Variants in GLIS3 observed in about 807,000 individuals in gnomAD.
The protein encoded by GLIS3 is GLIS family zinc finger 3, also known as zinc finger protein GLIS3.
GLIS3 carries 53 observed loss-of-function variants against 78.6 expected under a neutral mutation model. The ratio of observed to expected loss-of-function variants is 0.67; its 90% CI spans 0.54 to 0.85. The LOEUF is 0.85. GLIS3 is among the 40% of genes least tolerant of loss of function. The probability of loss-of-function intolerance (pLI) is 0.00; values close to 1 mark genes in which losing one functional copy is unlikely to be tolerated. For synonymous variants in GLIS3, 684 were observed against 509.9 expected, an observed-to-expected ratio of 1.34 and a Z score of -4.60; for missense variants, 1,703 against 1,231.1, an observed-to-expected ratio of 1.38 and a Z score of -5.74.
At chr9:4,048,179 T>C (rs1174821484) in intron 4 of GLIS3, among the ~76,000 whole-genome samples, 2 of 152,202 alleles carry the variant, frequency 1.3e-5, no homozygotes, top group Non-Finnish European at 2.9e-5. Flanking sequence ...AATGACCTTT[T>C]AGAAAATTTT....
At chr9:4,117,587 A>G (rs1831757977) in intron 4 of GLIS3, among the ~76,000 whole-genome samples, 181 bp downstream of exon 4, 2 of 152,154 alleles carry the variant, frequency 1.3e-5, no homozygotes, top group African/African-American at 4.8e-5. Flanking sequence ...AAATATAGCA[A>G]TGGAGAGCCA....
chr9:4,058,868 G>C (rs1415591503), intron 4 of GLIS3, among the ~76,000 whole-genome samples: 3 of 151,910 alleles, frequency 2.0e-5, no homozygotes, highest in African/African-American at 4.8e-5. Flanking sequence ...TGTAATCCCA[G>C]CTACTGAGGA....
At chr9:4,373,194 T>C in the GLIS3 span, among the ~76,000 whole-genome samples, 1 of 152,326 alleles carries the variant, frequency 6.6e-6, no homozygotes, top group East Asian at 1.9e-4. Context: ...TTCCTGATAG[T>C]ACCTGGTGTA....
intron 1 of GLIS3, among the ~76,000 whole-genome samples, chr9:4,293,163 A>G (rs566644968): frequency 3.1e-4 from 47 of 152,358 alleles, no homozygotes; most frequent in Non-Finnish European, 5.6e-4. Flanking sequence ...CTGTGTAACT[A>G]AACACTTAGT....
chr9:4,028,227 C>G (rs1208192336), intron 4 of GLIS3, among the ~76,000 whole-genome samples: 2 of 152,206 alleles, frequency 1.3e-5, no homozygotes, highest in Non-Finnish European at 2.9e-5. Context: ...GCCTCAGTTT[C>G]TCCATCTGCA....
chr9:4,468,983 A>T, the GLIS3 span, among the ~76,000 whole-genome samples: 4 of 152,208 alleles, frequency 2.6e-5, no homozygotes, highest in Non-Finnish European at 4.4e-5. Context: ...AGGATTTGCA[A>T]TCCTAGTCTC....
At chr9:4,371,749 A>G in the GLIS3 span, among the ~76,000 whole-genome samples, 2 of 152,216 alleles carry the variant, frequency 1.3e-5, no homozygotes, top group African/African-American at 4.8e-5. Flanking sequence ...TACTTCTCTT[A>G]GGCTTTAAAG....
At chr9:3,911,421 C>T (rs639833) in intron 6 of GLIS3, among the ~76,000 whole-genome samples, 105,848 of 152,082 alleles carry the variant, frequency 0.7, 37,154 homozygotes, top group Non-Finnish European at 0.74. Context: ...CTCAAGCACT[C>T]GGCTGGCTAC....
chr9:3,859,821 A>G (rs1470946904), intron 8 of GLIS3, among the ~76,000 whole-genome samples: 1 of 152,206 alleles, frequency 6.6e-6, no homozygotes, highest in African/African-American at 2.4e-5. Flanking sequence ...AGAAAAAAAA[A>G]TTACTGCTTA....
chr9:4,121,095 G>T (rs2130893399), intron 3 of GLIS3, among the ~76,000 whole-genome samples: 1 of 152,284 alleles, frequency 6.6e-6, no homozygotes, highest in East Asian at 1.9e-4. Context: ...GTATTAATAT[G>T]AACAGAGAAC....
At chr9:4,244,302 C>G (rs1284499326) in intron 2 of GLIS3, among the ~76,000 whole-genome samples, 1 of 152,214 alleles carries the variant, frequency 6.6e-6, no homozygotes, top group African/African-American at 2.4e-5. Flanking sequence ...TCTAATATGT[C>G]AGTGTACTTC....
At chr9:3,913,911 A>G (rs1204951923) in intron 6 of GLIS3, among the ~76,000 whole-genome samples, 3 of 152,232 alleles carry the variant, frequency 2.0e-5, no homozygotes, top group African/African-American at 7.2e-5. Context: ...TGTGTGAACA[A>G]GTAAATGAAT....
At chr9:4,352,649 G>A (rs934459294), upstream of GLIS3, among the ~76,000 whole-genome samples, 1 of 152,246 alleles carries the variant, frequency 6.6e-6, no homozygotes, top group African/African-American at 2.4e-5. Flanking sequence ...CACAGACCTG[G>A]TTAGTGGGGA....
intron 4 of GLIS3, among the ~76,000 whole-genome samples, chr9:3,947,137 G>T (rs1162256963): frequency 2.0e-5 from 3 of 152,350 alleles, no homozygotes; most frequent in South Asian, 2.1e-4. Flanking sequence ...ACGCACATGG[G>T]CTGAAGCAAA....
the GLIS3 span, among the ~76,000 whole-genome samples, chr9:4,468,559 A>G: frequency 1.3e-5 from 2 of 152,224 alleles, no homozygotes; most frequent in East Asian, 1.9e-4. Context: ...AAGGAGAAAT[A>G]AAATACTTTA....
At chr9:4,165,964 G>C (rs535349152) in intron 2 of GLIS3, among the ~76,000 whole-genome samples, 2 of 152,308 alleles carry the variant, frequency 1.3e-5, no homozygotes, top group South Asian at 4.1e-4. Context: ...GGGAGTAGGA[G>C]GGAGCTGGGT....
intron 2 of GLIS3, among the ~76,000 whole-genome samples, chr9:4,255,339 G>A (rs1036449327): frequency 6.6e-6 from 1 of 152,158 alleles, no homozygotes; most frequent in African/African-American, 2.4e-5. Context: ...CTTACCATAT[G>A]TCCCAGTGAC....
At chr9:3,860,002 G>T (rs930204814) in intron 8 of GLIS3, among the ~76,000 whole-genome samples, 3 of 151,636 alleles carry the variant, frequency 2.0e-5, no homozygotes, top group Non-Finnish European at 4.4e-5. Flanking sequence ...GGGGCCAAGC[G>T]TGGTGGCTCA....
chr9:3,856,910 G>A (rs1003252347), intron 8 of GLIS3, among the ~76,000 whole-genome samples: 4 of 152,158 alleles, frequency 2.6e-5, no homozygotes, highest in Non-Finnish European at 5.9e-5. Context: ...ATAAGGAGAT[G>A]TTGTCAAGAA....
Sources: gnomAD v4.1 joint callset for allele counts (sites outside exome capture counted in the v4.1 genomes callset) on GRCh38, gnomAD v4.1.1 for gene constraint, MANE v1.5 for transcripts, NCBI Gene and HGNC (gene_info 2026-07-23, HGNC 2026-07-21) for gene names.